Variants in SLC22A16 observed in about 807,000 individuals in gnomAD.
The protein encoded by SLC22A16 is WUGSC:RG331P03.1.
A neutral mutation model predicts 52.9 loss-of-function variants in SLC22A16; 53 were observed. The ratio of observed to expected loss-of-function variants is 1.00; its 90% CI spans 0.80 to 1.26. The LOEUF (loss-of-function observed/expected upper bound fraction) is 1.26. Among genes scored for constraint, SLC22A16 ranks in the 50% most tolerant of loss-of-function variants. The pLI is 0.00. For synonymous variants in SLC22A16, 291 were observed against 268.8 expected, an observed-to-expected ratio of 1.08 and a Z score of -0.81; for missense variants, 726 against 704.0, an observed-to-expected ratio of 1.03 and a Z score of -0.35.
chr6:110,465,874 T>A (rs1776042380), intron 1 of SLC22A16, among the ~76,000 whole-genome samples: 1 of 152,162 alleles, frequency 6.6e-6, no homozygotes, highest in South Asian at 2.1e-4. Flanking sequence ...TCACATTACC[T>A]GACTTCAAAC....
In SLC22A16 at chr6:110,442,492, G is replaced by T; in HGVS notation, c.935C>A (p.Ala312Asp). The T allele has an allele frequency of 6.2e-7, 1 of 1,614,170 alleles. No homozygotes were observed. Among genetic ancestry groups the T allele is most frequent in the East Asian group, 2.2e-5 (1 of 44,884 alleles). ...ACAGGAGCTTGCCCTGTTCCACTTG[G>T]CCATGATGTCAACTATTTTTTGTGC... ...EEAQKIVDIM[A>D]KWNRASSCKL... The change falls in exon 4 of 8, where the codon GCC becomes GAC. Residue 312 changes from alanine (A) to aspartate (D), a missense_variant. Ala to Asp is a moderately radical substitution (Grantham distance 126). Transcript: ENST00000368919.
rs529600824 is a variant in SLC22A16, at chr6:110,425,178, T to G, written c.1522-93A>C. 585 of 1,551,640 alleles carry G rather than the reference T, an allele frequency of 3.8e-4. 7 individuals carry two copies. The South Asian group carries it at 6.7e-3, about 18-fold the overall frequency. ...TTTCCTAACTGTTTTCAGAGGGTAA[T>G]GGATTTGAATTTGACATAACAGTTG... On this transcript the variant is annotated intron_variant, in intron 7 of 7. Coordinates refer to ENST00000368919, the MANE Select transcript of SLC22A16 (RefSeq NM_033125.4).
Position 110,424,777 on chromosome 6 carries a change from TACAA to T in SLC22A16, c.*92_*95del. The T allele has an allele frequency of 7.4e-7, 1 of 1,356,016 alleles. No homozygotes were observed. Among genetic ancestry groups the T allele is most frequent in the Non-Finnish European group, 1.0e-6 (1 of 991,590 alleles). The allele number at this position is 1,356,016 out of a possible 1,614,324, so 84.0% of individuals were successfully genotyped here. ...TCTTACAAAATTTATTAAAAAGACA[TACAA>T]ACAACATATGGGAGATGAGAATAAG... On this transcript the variant is annotated 3_prime_UTR_variant, in exon 8 of 8. Transcript: ENST00000368919.
intron 4 of SLC22A16, among the ~76,000 whole-genome samples, chr6:110,439,192 T>C (rs534283092): frequency 6.6e-6 from 1 of 152,314 alleles, no homozygotes; most frequent in East Asian, 1.9e-4. Flanking sequence ...GAAGCACCCA[T>C]CTGCAAGAGT....
intron 4 of SLC22A16, 74 bp downstream of exon 4, chr6:110,442,170 A>G: frequency 7.0e-7 from 1 of 1,429,492 alleles, no homozygotes; most frequent in Non-Finnish European, 9.5e-7. Flanking sequence ...AAATTCACAC[A>G]GAAACAGACA....
Position 110,456,967 on chromosome 6 carries a change from C to T in SLC22A16, c.104G>A (p.Gly35Asp), listed in dbSNP as rs1775685812. 1.3e-6 allele frequency: 2 copies of T among 1,582,772 alleles called. No individual in the cohort carries two copies. Among genetic ancestry groups the T allele is most frequent in the Non-Finnish European group, 1.7e-6 (2 of 1,165,424 alleles). ...FICAFQNISC[G>D]IHYLASVFMG... ...GAACACAGAAGCCAAGTAGTGAATA[C>T]CACAAGAGATGTTCTGGAAGGCACA... Residue 35 changes from glycine to aspartate, a missense_variant, in exon 2 of 8, where the codon GGT becomes GAT. By Grantham distance (94) the Gly-to-Asp change is moderately conservative. Transcript: ENST00000368919.
intron 2 of SLC22A16, among the ~76,000 whole-genome samples, chr6:110,451,935 G>T (rs1331568055): frequency 6.6e-6 from 1 of 152,106 alleles, no homozygotes; most frequent in Non-Finnish European, 1.5e-5. Context: ...AACTGCTGTT[G>T]TACTGTAAAA....
intron 1 of SLC22A16, among the ~76,000 whole-genome samples, chr6:110,461,383 C>T (rs1407408277): frequency 6.6e-6 from 1 of 152,194 alleles, no homozygotes; most frequent in Non-Finnish European, 1.5e-5. Flanking sequence ...ATGTTCTTGT[C>T]TGCCCAGGAT....
intron 2 of SLC22A16, among the ~76,000 whole-genome samples, chr6:110,452,434 C>T (rs556076158): frequency 5.3e-5 from 8 of 152,146 alleles, no homozygotes; most frequent in Admixed American, 1.3e-4. Context: ...CTTTCTCTCT[C>T]TTTTTCCTTA....
At chr6:110,467,033 T>A (rs1776094040) in intron 1 of SLC22A16, among the ~76,000 whole-genome samples, 1 of 152,230 alleles carries the variant, frequency 6.6e-6, no homozygotes, top group Admixed American at 6.5e-5. Flanking sequence ...TCTACTGTAC[T>A]TTCATGAGAG....
In SLC22A16 at chr6:110,431,122, G is replaced by C. The variant is rs772214973; in HGVS notation, c.1521+49C>G. The C allele has an allele frequency of 5.4e-6, 8 of 1,481,214 alleles. No individual in the cohort carries two copies. The South Asian group carries it at 6.8e-5, about 13-fold the overall frequency. The allele number at this position is 1,481,214 out of a possible 1,614,324, so 91.8% of individuals were successfully genotyped here. A position where few individuals can be genotyped will look rare whatever the true frequency, so the allele number is the denominator to read the frequency against. Reference sequence around the variant, plus strand: ...TAGAGAAGTTGCTAATAGGCAATTAGAAACTGCCTCCGTGCCCCCTTGGGG... The same window carrying C: ...TAGAGAAGTTGCTAATAGGCAATTACAAACTGCCTCCGTGCCCCCTTGGGG... On this transcript the variant is annotated intron_variant, in intron 7 of 7. Transcript: ENST00000368919.
chr6:110,446,757 G>T, intron 3 of SLC22A16, 116 bp downstream of exon 3: 2 of 862,920 alleles, frequency 2.3e-6, no homozygotes, highest in South Asian at 1.7e-5. Context: ...GCAGTGGAGT[G>T]GACAAAGATG....
chr6:110,476,439 G>A, intron 1 of SLC22A16, 83 bp downstream of exon 1: 1 of 1,407,936 alleles, frequency 7.1e-7, no homozygotes, highest in Non-Finnish European at 9.3e-7. Flanking sequence ...CGCGAGCGCC[G>A]CGCGAGAACC....
intron 4 of SLC22A16, among the ~76,000 whole-genome samples, chr6:110,441,238 G>C (rs1373769979): frequency 6.6e-6 from 1 of 152,198 alleles, no homozygotes; most frequent in Non-Finnish European, 1.5e-5. Context: ...CAATACCATA[G>C]ATATCTCAAT....
chr6:110,441,329 C>A (rs1774955369), intron 4 of SLC22A16, among the ~76,000 whole-genome samples: 1 of 152,168 alleles, frequency 6.6e-6, no homozygotes, highest in Non-Finnish European at 1.5e-5. Flanking sequence ...CAGTTGTGCC[C>A]AGATCAGCTG....
chr6:110,451,187 T>C (rs1775366568), intron 2 of SLC22A16, among the ~76,000 whole-genome samples: 1 of 152,246 alleles, frequency 6.6e-6, no homozygotes, highest in Non-Finnish European at 1.5e-5. Flanking sequence ...AAGAATATAT[T>C]TTAATACATG....
rs182179044 is a variant in SLC22A16, at chr6:110,459,852, G to C, written c.54-2835C>G. Among the ~76,000 whole-genome samples the C allele has an allele frequency of 2.6e-5, 4 of 152,076 alleles. No individual in the cohort carries two copies. In the East Asian group the frequency reaches 5.8e-4, roughly 22 times the overall value. The stretch of plus-strand genomic sequence containing the variant: ...CCAAATTTATAGACTCAAACCAACA[G>C]TGACATATTTTCTGAAGTAAAAAAT... On this transcript the variant is annotated intron_variant, in intron 1 of 7. Transcript: ENST00000368919.
rs537389982 is a variant in SLC22A16, at chr6:110,435,356, A to C, written c.1421+496T>G. 2.0e-5 allele frequency among the ~76,000 whole-genome samples: 3 copies of C among 152,332 alleles called. No homozygotes were observed. The East Asian group carries it at 5.8e-4, about 29-fold the overall frequency. On this transcript the variant is annotated intron_variant, in intron 6 of 7. Coordinates refer to ENST00000368919, the MANE Select transcript of SLC22A16 (RefSeq NM_033125.4). ...CACACAGAGGTAAGACCCCTTGAGGACATAGCAAGAGGGCACCACCTGAAG... is the reference window on the plus strand; with the variant it reads ...CACACAGAGGTAAGACCCCTTGAGGCCATAGCAAGAGGGCACCACCTGAAG...
At chr6:110,426,128 T>C (rs188188582) in intron 7 of SLC22A16, among the ~76,000 whole-genome samples, 84 of 152,328 alleles carry the variant, frequency 5.5e-4, no homozygotes, top group Middle Eastern at 3.4e-3. Context: ...CTTAGAAATA[T>C]ACGAAATATA....
Sources: gnomAD v4.1 joint callset for allele counts (sites outside exome capture counted in the v4.1 genomes callset) on GRCh38, gnomAD v4.1.1 for gene constraint, MANE v1.5 for transcripts, NCBI Gene and HGNC (gene_info 2026-07-23, HGNC 2026-07-21) for gene names.